Variants in NTMT1 observed in about 807,000 individuals in gnomAD.
The protein encoded by NTMT1 is N-terminal Xaa-Pro-Lys N-methyltransferase 1.
Under a neutral mutation model 17.5 loss-of-function variants are expected in NTMT1, and 8 were observed. That is an observed-to-expected ratio of 0.46 (90% CI 0.27 to 0.82). NTMT1 has a LOEUF of 0.82. NTMT1 is among the 40% of genes least tolerant of loss of function. NTMT1 has a pLI of 0.15. For synonymous variants in NTMT1, 128 were observed against 126.8 expected, an observed-to-expected ratio of 1.01 and a Z score of -0.06; for missense variants, 221 against 303.5, an observed-to-expected ratio of 0.73 and a Z score of 2.02.
chr9:129,619,230 G>T (rs1830549144), intron 1 of NTMT1, among the ~76,000 whole-genome samples: 1 of 152,170 alleles, frequency 6.6e-6, no homozygotes, highest in Non-Finnish European at 1.5e-5. Flanking sequence ...GGATGAGATG[G>T]ATGCAAAGAT....
chr9:129,619,377 AT>A, intron 1 of NTMT1: 1 of 679,524 alleles, frequency 1.5e-6, no homozygotes, highest in South Asian at 1.8e-5. Flanking sequence ...AGAAGATCTG[AT>A]TCACGGACAG....
chr9:129,615,637 C>T lies in NTMT1; in HGVS notation c.-55+6459C>T, dbSNP rs138364186. The stretch of plus-strand genomic sequence containing the variant: ...GCCTTGAGCCTGGGGACCTGTGCAC[C>T]GTGGGGCCTGCTGAGAGAGGGGAGA... On this transcript the variant is annotated intron_variant, in intron 1 of 3. Coordinates refer to the NTMT1 transcript ENST00000372486. 624 of 1,565,902 alleles carry T rather than the reference C, an allele frequency of 4.0e-4. 2 individuals carry two copies. In the African/African-American group the frequency reaches 6.6e-3, roughly 17 times the overall value.
At chr9:129,611,950 A>G (rs1387233660) in intron 1 of NTMT1, among the ~76,000 whole-genome samples, 4 of 151,590 alleles carry the variant, frequency 2.6e-5, no homozygotes, top group Non-Finnish European at 4.4e-5. Context: ...GACAGGGTCT[A>G]TGTTGCTCAG....
chr9:129,625,020 G>T (rs564839618), upstream of NTMT1, among the ~76,000 whole-genome samples: 6 of 152,190 alleles, frequency 3.9e-5, no homozygotes, highest in Non-Finnish European at 7.3e-5. Context: ...CCCACTGCAG[G>T]TGCTGAGCTG....
At chr9:129,623,494 G>T (rs963256229), upstream of NTMT1, among the ~76,000 whole-genome samples, 7 of 152,196 alleles carry the variant, frequency 4.6e-5, no homozygotes, top group East Asian at 9.6e-4. Context: ...GGAGAGGGCC[G>T]AGAGGAAGCT....
rs1226395746 is a variant in NTMT1 at position 129,610,197 on chromosome 9, AG to A, written c.-55+1026del. On this transcript the variant is annotated intron_variant, in intron 1 of 3. Transcript: ENST00000372486. The stretch of plus-strand genomic sequence containing the variant: ...GCCGAGCCACAGGGGAGGGGGGAGG[AG>A]GGGGGGAGGAGGGAGGGGGAGGGGA... Among the ~76,000 whole-genome samples the A allele has an allele frequency of 3.5e-3, 300 of 84,624 alleles. 3 individuals are homozygous for A. The highest frequency in any genetic ancestry group is 0.013 in the African/African-American group (278 of 21,322). The allele number at this position is 84,624 out of a possible 152,430, so 55.5% of individuals were successfully genotyped here.
rs1165443617 is a variant in NTMT1 at position 129,614,829 on chromosome 9, G to C, written c.-55+5651G>C. On this transcript the variant is annotated intron_variant, in intron 1 of 3. Transcript: ENST00000372486. This position sits in a 1 kb window ranked among gnomAD's most constrained non-coding sequence, Gnocchi z 4.4. ...AGGCAGGAGAATGGCATGAACCCGG[G>C]AGGTGGAGCTTGCAGCGAGCCGAGA... 6.6e-6 allele frequency among the ~76,000 whole-genome samples: 1 copy of C among 152,192 alleles called. No homozygotes were observed. Among genetic ancestry groups the C allele is most frequent in the South Asian group, 2.1e-4 (1 of 4,832 alleles).
intron 1 of NTMT1, among the ~76,000 whole-genome samples, chr9:129,610,225 AGGG>A: frequency 6.0e-5 from 1 of 16,626 alleles, no homozygotes; most frequent in African/African-American, 3.8e-4. Flanking sequence ...GGGAGGGGAA[AGGG>A]GGAGGGAGAG....
intron 1 of NTMT1, among the ~76,000 whole-genome samples, chr9:129,629,053 C>T (rs1831021147): frequency 6.6e-6 from 1 of 152,150 alleles, no homozygotes; most frequent in African/African-American, 2.4e-5. Flanking sequence ...GACAGGGTCT[C>T]GCTCTGTTGT....
At chr9:129,634,920 A>G in intron 3 of NTMT1, 1 of 416,902 alleles carries the variant, frequency 2.4e-6, no homozygotes, top group Non-Finnish European at 4.4e-6. Context: ...CAAGCCTGGC[A>G]GGGGTGGGGC....
rs1225987144 is a variant in NTMT1, at chr9:129,620,335, C to G, written c.-55+11157C>G. 2 of 1,231,694 alleles carry G rather than the reference C, an allele frequency of 1.6e-6. No homozygotes were observed. Among genetic ancestry groups the G allele is most frequent in the East Asian group, 6.5e-5 (2 of 30,946 alleles). The allele number at this position is 1,231,694 out of a possible 1,614,324, so 76.3% of individuals were successfully genotyped here. ...GCCGGGTCGCGGTGAGCAAGGCGGG[C>G]AGGCGCGGCGGGAGGCGTCCGACGC... On this transcript the variant is annotated intron_variant, in intron 1 of 3. Coordinates refer to the NTMT1 transcript ENST00000372486. The surrounding 1 kb of genome is among the most constrained non-coding windows in gnomAD (Gnocchi z 5.8).
At position 129,614,770 on chromosome 9, in the gene NTMT1, C is replaced by T. The variant is rs1446572123; in HGVS notation, c.-55+5592C>T. 6.6e-6 allele frequency among the ~76,000 whole-genome samples: 1 copy of T among 152,102 alleles called. No individual in the cohort carries two copies. The highest frequency in any genetic ancestry group is 2.4e-5 in the African/African-American group (1 of 41,406). ...ATACAAAATTAGCCAGGGGCGGTGG[C>T]GCATGCCTGTAATCCCAGGTACTCA... is the stretch of plus-strand genomic sequence containing the variant. On this transcript the variant is annotated intron_variant, in intron 1 of 3. Coordinates refer to the NTMT1 transcript ENST00000372486. This position sits in a 1 kb window ranked among gnomAD's most constrained non-coding sequence, Gnocchi z 4.4.
upstream of NTMT1, among the ~76,000 whole-genome samples, chr9:129,625,135 C>T (rs981645033): frequency 4.3e-4 from 65 of 152,102 alleles, no homozygotes; most frequent in Admixed American, 3.8e-3. Flanking sequence ...GACTGAAGCT[C>T]GGAAATGTTA....
At position 129,613,862 on chromosome 9, in the gene NTMT1, G is replaced by A. The variant is rs1830217036; in HGVS notation, c.-55+4684G>A. Among the ~76,000 whole-genome samples, 1 of 152,184 alleles carries A rather than the reference G, an allele frequency of 6.6e-6. No homozygotes were observed. The highest frequency in any genetic ancestry group is 1.5e-5 in the Non-Finnish European group (1 of 68,018). Reference sequence around the variant, plus strand: ...AAGCGTGCCCCCTTTCTCGCAGTGGGGAGACCACTTACCCCATCATAGAAA... The same window carrying A: ...AAGCGTGCCCCCTTTCTCGCAGTGGAGAGACCACTTACCCCATCATAGAAA... On this transcript the variant is annotated intron_variant, in intron 1 of 3. Transcript: ENST00000372486. The surrounding 1 kb of genome is among the most constrained non-coding windows in gnomAD (Gnocchi z 6.2).
At chr9:129,609,742 C>A (rs1830069903) in intron 1 of NTMT1, among the ~76,000 whole-genome samples, 1 of 152,130 alleles carries the variant, frequency 6.6e-6, no homozygotes, top group African/African-American at 2.4e-5. Flanking sequence ...TCTTCCTCAT[C>A]CCCTGTTCAT....
chr9:129,615,781 C>T, intron 1 of NTMT1: 2 of 1,017,048 alleles, frequency 2.0e-6, no homozygotes, highest in South Asian at 4.5e-5. Flanking sequence ...ACGCCAATCA[C>T]AGCAGCCGGC....
chr9:129,635,501 C>G lies in NTMT1; in HGVS notation c.*37C>G, dbSNP rs1241168790. 1 of 1,584,528 alleles carries G rather than the reference C, an allele frequency of 6.3e-7. No individual in the cohort carries two copies. Among genetic ancestry groups the G allele is most frequent in the Admixed American group, 1.7e-5 (1 of 57,838 alleles). On this transcript the variant is annotated 3_prime_UTR_variant, in exon 4 of 4. Coordinates refer to ENST00000372483, the MANE Select transcript of NTMT1 (RefSeq NM_014064.4). ...CAGGAGAAACTGAGGAACCACAGTCCTGGTGGGGGGAGCTGGCAGCTGGGC... is the reference window on the plus strand; with the variant it reads ...CAGGAGAAACTGAGGAACCACAGTCGTGGTGGGGGGAGCTGGCAGCTGGGC...
intron 1 of NTMT1, among the ~76,000 whole-genome samples, chr9:129,618,219 G>A (rs1259346061): frequency 1.3e-5 from 2 of 152,176 alleles, no homozygotes; most frequent in African/African-American, 2.4e-5. Flanking sequence ...ATTTTAACCT[G>A]GAGGAACTGT....
chr9:129,633,774 A>G (rs1831332812), intron 2 of NTMT1: 1 of 336,266 alleles, frequency 3.0e-6, no homozygotes, highest in African/African-American at 2.1e-5. Flanking sequence ...TCGAGGCTAC[A>G]GTGAGCCATG....
Sources: gnomAD v4.1 joint callset for allele counts (sites outside exome capture counted in the v4.1 genomes callset) on GRCh38, gnomAD v4.1.1 for gene constraint, Gnocchi (gnomAD v3.1) non-coding constraint, MANE v1.5 for transcripts, NCBI Gene and HGNC (gene_info 2026-07-23, HGNC 2026-07-21) for gene names.